SNTG1: variants seen among roughly 807,000 people sequenced by gnomAD.
The protein encoded by SNTG1 is syntrophin gamma 1, also known as gamma-1-syntrophin.
A neutral mutation model predicts 74.7 loss-of-function variants in SNTG1; 39 were observed. The ratio of observed to expected loss-of-function variants is 0.52; its 90% CI spans 0.40 to 0.68. SNTG1 has a LOEUF of 0.68. SNTG1 is among the 30% of genes least tolerant of loss of function. The pLI, the probability that SNTG1 is intolerant of heterozygous loss-of-function variation, is 0.00. For missense variants in SNTG1, 685 were observed against 609.5 expected (o/e 1.12, Z -1.30); for synonymous variants, 254 against 217.1 (o/e 1.17, Z -1.49).
At chr8:50,200,172 A>T (rs2083932223) in intron 2 of SNTG1, among the ~76,000 whole-genome samples, 2 of 152,162 alleles carry the variant, frequency 1.3e-5, no homozygotes. Flanking sequence ...TGAGTCCTCA[A>T]ACAACTCTGT....
intron 1 of SNTG1, among the ~76,000 whole-genome samples, chr8:50,029,876 G>C (rs1000662852): frequency 6.6e-6 from 1 of 152,028 alleles, no homozygotes; most frequent in African/African-American, 2.4e-5. Flanking sequence ...CAGTGGGATT[G>C]CTGGCTCATA....
At chr8:50,018,164 T>G (rs1044940843) in intron 1 of SNTG1, among the ~76,000 whole-genome samples, 4 of 152,000 alleles carry the variant, frequency 2.6e-5, no homozygotes, top group Non-Finnish European at 5.9e-5. Flanking sequence ...ATTTTTATGA[T>G]GCTTATAAAA....
chr8:50,065,268 T>A (rs1421621465), intron 1 of SNTG1, among the ~76,000 whole-genome samples: 6 of 152,208 alleles, frequency 3.9e-5, no homozygotes, highest in Non-Finnish European at 7.4e-5. Flanking sequence ...TGTCTTTCAC[T>A]AATGCCTGGA....
chr8:49,948,482 T>C (rs1809409334), intron 1 of SNTG1, among the ~76,000 whole-genome samples: 1 of 152,204 alleles, frequency 6.6e-6, no homozygotes. Context: ...CCTTGTTTGG[T>C]GCATTTTTTA....
At chr8:50,170,900 C>T (rs7010035) in intron 1 of SNTG1, among the ~76,000 whole-genome samples, 44,824 of 151,930 alleles carry the variant, frequency 0.3, 6,688 homozygotes, top group South Asian at 0.43. Context: ...ACAGGGCAGC[C>T]TCCCTCTTCC....
chr8:50,039,341 G>T (rs550698695), intron 1 of SNTG1, among the ~76,000 whole-genome samples: 1 of 150,888 alleles, frequency 6.6e-6, no homozygotes, highest in Admixed American at 6.6e-5. Context: ...TGTAGTCCCA[G>T]CTACTCAGGA....
chr8:50,154,996 G>T (rs1336677144), intron 1 of SNTG1, among the ~76,000 whole-genome samples: 1 of 152,138 alleles, frequency 6.6e-6, no homozygotes, highest in Non-Finnish European at 1.5e-5. Flanking sequence ...GTAATTCTGT[G>T]TACTATACTT....
chr8:49,987,219 G>A (rs1585781390), intron 1 of SNTG1, among the ~76,000 whole-genome samples: 1 of 152,188 alleles, frequency 6.6e-6, no homozygotes, highest in East Asian at 1.9e-4. Flanking sequence ...ATATATAAGA[G>A]TGTCAAATAC....
chr8:50,579,305 A>G (rs2094595138), intron 12 of SNTG1, among the ~76,000 whole-genome samples: 1 of 152,168 alleles, frequency 6.6e-6, no homozygotes, highest in Non-Finnish European at 1.5e-5. Context: ...GATGGAAGAA[A>G]TTTCTAGGCA....
chr8:50,279,102 A>T (rs895395584), intron 2 of SNTG1, among the ~76,000 whole-genome samples: 2 of 152,158 alleles, frequency 1.3e-5, no homozygotes, highest in Admixed American at 6.5e-5. Flanking sequence ...TATTTATCAA[A>T]AGCTTAAATG....
intron 1 of SNTG1, among the ~76,000 whole-genome samples, chr8:50,051,892 C>A (rs1163141207): frequency 6.6e-6 from 1 of 151,982 alleles, no homozygotes; most frequent in South Asian, 2.1e-4. Context: ...TTCTGGGAAC[C>A]ACAAGATACT....
chr8:50,106,672 GT>G (rs1169763249), intron 1 of SNTG1, among the ~76,000 whole-genome samples: 1 of 152,120 alleles, frequency 6.6e-6, no homozygotes, highest in Non-Finnish European at 1.5e-5. Flanking sequence ...ATGATCGTGT[GT>G]TTCTGTTTTT....
chr8:50,000,772 C>T (rs1175185620), intron 1 of SNTG1, among the ~76,000 whole-genome samples: 1 of 152,196 alleles, frequency 6.6e-6, no homozygotes, highest in African/African-American at 2.4e-5. Context: ...ACTTAATGTA[C>T]TTCCTTTTAT....
chr8:49,927,201 T>A (rs1807108079), intron 1 of SNTG1, among the ~76,000 whole-genome samples: 1 of 152,212 alleles, frequency 6.6e-6, no homozygotes, highest in South Asian at 2.1e-4. Flanking sequence ...GGGACTTTTT[T>A]ACAAGACTAA....
chr8:50,742,416 T>A (rs549239519), intron 17 of SNTG1, among the ~76,000 whole-genome samples: 2 of 151,964 alleles, frequency 1.3e-5, no homozygotes, highest in South Asian at 4.1e-4. Context: ...CACTCCTAAC[T>A]GTCAACTGGA....
intron 13 of SNTG1, among the ~76,000 whole-genome samples, chr8:50,613,714 T>C (rs1215846799): frequency 1.3e-5 from 2 of 152,126 alleles, no homozygotes; most frequent in Non-Finnish European, 2.9e-5. Flanking sequence ...GATTTTAAAT[T>C]GCACACACCA....
chr8:50,175,735 G>T lies in SNTG1; in HGVS notation c.-28+3100G>T, dbSNP rs73575345. Among the ~76,000 whole-genome samples the T allele has an allele frequency of 9.9e-3, 1,507 of 152,306 alleles. 30 individuals carry two copies. The highest frequency in any genetic ancestry group is 0.033 in the African/African-American group (1,369 of 41,562). On this transcript the variant is annotated intron_variant, in intron 2 of 18. Transcript: ENST00000642720. ...TAAGGAAAATAATGGAAATTCACTTGAGGGCGGCTATTCTCATCCTCAAGC... is the reference window on the plus strand; with the variant it reads ...TAAGGAAAATAATGGAAATTCACTTTAGGGCGGCTATTCTCATCCTCAAGC...
intron 18 of SNTG1, among the ~76,000 whole-genome samples, chr8:50,778,605 C>G (rs552880303): frequency 6.6e-6 from 1 of 151,462 alleles, no homozygotes; most frequent in East Asian, 1.9e-4. Context: ...GGATATTAGC[C>G]CTCTGTCAGA....
chr8:50,318,976 T>C (rs1228300657), intron 2 of SNTG1, among the ~76,000 whole-genome samples: 1 of 151,808 alleles, frequency 6.6e-6, no homozygotes, highest in Non-Finnish European at 1.5e-5. Context: ...TATTTATATA[T>C]ATATGTATGT....
Sources: allele counts gnomAD v4.1 joint callset (sites outside exome capture counted in the v4.1 genomes callset), GRCh38; gene constraint gnomAD v4.1.1; transcripts MANE v1.5; gene names NCBI Gene and HGNC (gene_info 2026-07-23, HGNC 2026-07-21).